The following ZNF385D variants were observed in gnomAD, a reference collection of about 807,000 sequenced individuals.
ZNF385D encodes zinc finger protein 385D.
In ZNF385D, 15 loss-of-function variants were observed where a neutral mutation model predicts 35.8. The observed-to-expected ratio is 0.42, with a 90% CI of 0.28 to 0.64. ZNF385D has a LOEUF of 0.64. Ranked by LOEUF, ZNF385D falls within the 30% of genes least tolerant of loss-of-function variation. The pLI is 0.23. For missense variants in ZNF385D, 474 were observed against 494.6 expected (o/e 0.96, Z 0.39); for synonymous variants, 212 against 186.8 (o/e 1.13, Z -1.10).
intron 3 of ZNF385D, among the ~76,000 whole-genome samples, chr3:21,885,910 T>C (rs1044644472): frequency 1.3e-5 from 2 of 152,032 alleles, no homozygotes; most frequent in African/African-American, 2.4e-5. Flanking sequence ...GGTCAGTCTT[T>C]GTCTATTAAG....
At chr3:21,584,141 T>TTTTTGTATTTTTACTATAGACG (rs2063746657) in intron 2 of ZNF385D, among the ~76,000 whole-genome samples, 2 of 151,868 alleles carry the variant, frequency 1.3e-5, no homozygotes, top group South Asian at 4.2e-4. Context: ...GCTAGGCTAA[T>TTTTTGTATTTTTACTATAGACG]TTTTGTATTT....
chr3:21,789,495 TA>T (rs1177993529), intron 3 of ZNF385D, among the ~76,000 whole-genome samples: 1 of 152,126 alleles, frequency 6.6e-6, no homozygotes, highest in Non-Finnish European at 1.5e-5. Context: ...GTTCATTTGT[TA>T]AATGCACACA....
At chr3:21,791,518 C>T (rs944319505) in intron 3 of ZNF385D, among the ~76,000 whole-genome samples, 1 of 152,194 alleles carries the variant, frequency 6.6e-6, no homozygotes, top group Non-Finnish European at 1.5e-5. Context: ...CTGGCTCCTT[C>T]AATTTCCTGT....
intron 2 of ZNF385D, among the ~76,000 whole-genome samples, chr3:22,292,274 T>C (rs1487335519): frequency 6.6e-6 from 1 of 152,046 alleles, no homozygotes; most frequent in Non-Finnish European, 1.5e-5. Context: ...GTAAAATGTT[T>C]TTGTTGTTGC....
At chr3:21,687,563 C>T (rs2067145918) in intron 1 of ZNF385D, among the ~76,000 whole-genome samples, 1 of 152,098 alleles carries the variant, frequency 6.6e-6, no homozygotes, top group Non-Finnish European at 1.5e-5. Flanking sequence ...GATGAACCTA[C>T]ATCAACACAT....
chr3:21,486,113 GTC>G (rs1559338143), intron 4 of ZNF385D, among the ~76,000 whole-genome samples: 5 of 137,348 alleles, frequency 3.6e-5, no homozygotes, highest in African/African-American at 1.1e-4. Context: ...GAAGTTGGCC[GTC>G]TCTGAAAACT....
chr3:21,644,887 CA>C (rs1362467264), intron 2 of ZNF385D, among the ~76,000 whole-genome samples: 1 of 152,100 alleles, frequency 6.6e-6, no homozygotes, highest in Admixed American at 6.6e-5. Flanking sequence ...TTCCAATCAG[CA>C]CCTAGATGAA....
chr3:22,183,444 G>A (rs1053067617), intron 2 of ZNF385D, among the ~76,000 whole-genome samples: 2 of 151,862 alleles, frequency 1.3e-5, no homozygotes, highest in Admixed American at 6.6e-5. Flanking sequence ...TACAACCTCC[G>A]CCTCCCGGGT....
At chr3:21,820,045 A>T (rs1265724742) in intron 3 of ZNF385D, among the ~76,000 whole-genome samples, 1 of 151,338 alleles carries the variant, frequency 6.6e-6, no homozygotes, top group Non-Finnish European at 1.5e-5. Flanking sequence ...CATATAAAAA[A>T]CAGTAAGAAT....
At chr3:21,843,925 A>G (rs937485484) in intron 3 of ZNF385D, among the ~76,000 whole-genome samples, 1 of 151,988 alleles carries the variant, frequency 6.6e-6, no homozygotes, top group African/African-American at 2.4e-5. Flanking sequence ...GTTGAAACAG[A>G]CATAGAATGT....
chr3:22,094,402 A>ATATATATATATC lies in ZNF385D; in HGVS notation c.325+74414_325+74415insGATATATATATA, dbSNP rs1559364109. Among the ~76,000 whole-genome samples the ATATATATATATC allele has an allele frequency of 6.2e-5, 5 of 80,670 alleles. 1 individual carries two copies. Among genetic ancestry groups the ATATATATATATC allele is most frequent in the African/African-American group, 2.0e-4 (5 of 24,610 alleles). 52.9% of individuals were successfully genotyped at this position (80,670 alleles called of 152,430 possible). ...TTATTGTTGATATATATATATATAT[A>ATATATATATATC]TATATATAAAGGCATTTGTGTCATA... On this transcript the variant is annotated intron_variant, in intron 3 of 5. Coordinates refer to the ZNF385D transcript ENST00000494108.
chr3:21,867,850 C>T (rs528877640), intron 3 of ZNF385D, among the ~76,000 whole-genome samples: 1 of 152,076 alleles, frequency 6.6e-6, no homozygotes, highest in South Asian at 2.1e-4. Context: ...TATCTAGTCA[C>T]ATGTCACTCT....
At chr3:22,126,252 C>A (rs6790252) in intron 3 of ZNF385D, among the ~76,000 whole-genome samples, 1 of 149,746 alleles carries the variant, frequency 6.7e-6, no homozygotes, top group Non-Finnish European at 1.5e-5. Context: ...TTGATCCATG[C>A]AATAAATCCC....
chr3:21,607,291 C>T (rs752846280), intron 2 of ZNF385D, among the ~76,000 whole-genome samples: 11 of 152,058 alleles, frequency 7.2e-5, no homozygotes, highest in South Asian at 2.1e-4. Context: ...AATGACTTAA[C>T]GTCATCCTCC....
intron 4 of ZNF385D, among the ~76,000 whole-genome samples, chr3:21,448,115 G>A (rs529710374): frequency 2.8e-4 from 43 of 152,160 alleles, no homozygotes; most frequent in Admixed American, 7.2e-4. Flanking sequence ...TAACCGATAT[G>A]CACTTGCCAC....
intron 3 of ZNF385D, among the ~76,000 whole-genome samples, chr3:21,939,281 T>G (rs866697454): frequency 1.3e-5 from 2 of 152,202 alleles, no homozygotes; most frequent in South Asian, 4.1e-4. Flanking sequence ...TGAACATAAT[T>G]GCATTTAGTC....
intron 3 of ZNF385D, among the ~76,000 whole-genome samples, chr3:21,950,516 A>C (rs1702014129): frequency 6.6e-6 from 1 of 151,652 alleles, no homozygotes; most frequent in South Asian, 2.1e-4. Context: ...GTTCACTCTG[A>C]TGATAGTTTC....
intron 2 of ZNF385D, among the ~76,000 whole-genome samples, chr3:21,615,689 A>G (rs964082112): frequency 6.6e-6 from 1 of 151,692 alleles, no homozygotes; most frequent in Non-Finnish European, 1.5e-5. Context: ...GTCATTTTCT[A>G]TTGAAAGCCT....
chr3:22,096,364 G>GAA (rs77630732), intron 3 of ZNF385D, among the ~76,000 whole-genome samples: 4 of 151,464 alleles, frequency 2.6e-5, no homozygotes, highest in Non-Finnish European at 5.9e-5. Flanking sequence ...TTTTTTAAAA[G>GAA]AAAAAAACTG....
Sources: gnomAD v4.1 joint callset for allele counts (sites outside exome capture counted in the v4.1 genomes callset) on GRCh38, gnomAD v4.1.1 for gene constraint, MANE v1.5 for transcripts, NCBI Gene and HGNC (gene_info 2026-07-23, HGNC 2026-07-21) for gene names.